Variants in RIF1 observed in about 807,000 individuals in gnomAD.
The protein encoded by RIF1 is replication timing regulatory factor 1, also known as telomere-associated protein RIF1.
RIF1 carries 45 observed loss-of-function variants against 247.1 expected under a neutral mutation model. The ratio of observed to expected loss-of-function variants is 0.18; its 90% CI spans 0.14 to 0.23. The LOEUF is 0.23. Ranked by LOEUF, RIF1 falls within the 10% of genes least tolerant of loss-of-function variation. The pLI is 1.00. For synonymous variants in RIF1, 1,087 were observed against 978.8 expected (o/e 1.11, Z -2.06); for missense variants, 2,967 against 2,862.5 (o/e 1.04, Z -0.83).
intron 18 of RIF1, among the ~76,000 whole-genome samples, chr2:151,445,049 T>G (rs1164685567): frequency 6.6e-6 from 1 of 152,206 alleles, no homozygotes; most frequent in Non-Finnish European, 1.5e-5. Context: ...TGCCTCCATC[T>G]TCACATGGTA....
chr2:151,497,052 A>G (rs940899832), intron 10 of RIF1: 19 of 1,552,646 alleles, frequency 1.2e-5, no homozygotes, highest in Non-Finnish European at 1.7e-5. Flanking sequence ...TAAGAAAGCA[A>G]CCAGAAAAAC....
At chr2:151,518,430 G>T in the RIF1 span, 1 of 1,556,446 alleles carries the variant, frequency 6.4e-7, no homozygotes, top group Non-Finnish European at 8.8e-7. Flanking sequence ...GTACTGAGGG[G>T]AAGGCGGCAA....
intron 35 of RIF1, 139 bp downstream of exon 35, chr2:151,474,211 T>C: frequency 1.6e-6 from 1 of 608,714 alleles, no homozygotes; most frequent in Non-Finnish European, 2.9e-6. Flanking sequence ...TATGAAAAAC[T>C]AACCGATTGG....
At chr2:151,440,399 A>G (rs1692069289) in intron 15 of RIF1, among the ~76,000 whole-genome samples, 1 of 152,226 alleles carries the variant, frequency 6.6e-6, no homozygotes, top group African/African-American at 2.4e-5. Flanking sequence ...AAGGACATGA[A>G]ACTTGAACTG....
Position 151,496,959 on chromosome 2 carries a change from A to ATTGTG in RIF1, c.*513+1636_*513+1640dup. The ATTGTG allele has an allele frequency of 3.8e-6, 6 of 1,577,018 alleles. No individual in the cohort carries two copies. The South Asian group carries it at 5.8e-5, about 15-fold the overall frequency. On this transcript the variant is annotated intron_variant and NMD_transcript_variant, in intron 10 of 13. Transcript: ENST00000454583. ...CAAGTACCGAGCTAATATTTTCTTG[A>ATTGTG]TTGTGTTTGACTCTCTCCATCTCAG...
rs1194491404 is a variant in RIF1, at chr2:151,432,962, TA to T, written c.926-108del. On this transcript the variant is annotated intron_variant, in intron 9 of 35. Transcript: ENST00000444746. ...AGGACAGCCTGGGGATTTATTTTTT[TA>T]AAAAAATTTTAAAATACGTTCTCTT... The T allele has an allele frequency of 7.5e-6, 6 of 799,000 alleles. No individual in the cohort carries two copies. The South Asian group carries it at 1.6e-4, about 21-fold the overall frequency. 49.5% of individuals were successfully genotyped at this position (799,000 alleles called of 1,614,324 possible). A position where few individuals can be genotyped will look rare whatever the true frequency, so the allele number is the denominator to read the frequency against.
At chr2:151,466,964 T>C (rs1697007262) in intron 30 of RIF1, among the ~76,000 whole-genome samples, 1 of 152,180 alleles carries the variant, frequency 6.6e-6, no homozygotes, top group African/African-American at 2.4e-5. Flanking sequence ...AGCTCACACC[T>C]GTAATCCCAG....
At chr2:151,466,576 A>G (rs1273588763) in intron 30 of RIF1, among the ~76,000 whole-genome samples, 1 of 152,130 alleles carries the variant, frequency 6.6e-6, no homozygotes, top group African/African-American at 2.4e-5. Context: ...TGCCTTCATC[A>G]ACTTGTAGAT....
intron 10 of RIF1, chr2:151,495,407 G>C (rs1240576078): frequency 6.6e-6 from 1 of 152,078 alleles, no homozygotes; most frequent in African/African-American, 2.4e-5. Flanking sequence ...ACTAGAGCAG[G>C]ACCCAGCAAT....
chr2:151,503,518 T>C, intron 12 of RIF1: 2 of 943,410 alleles, frequency 2.1e-6, no homozygotes, highest in African/African-American at 1.6e-5. Flanking sequence ...TGTGGGCTAT[T>C]TGGGGGAAAC....
At chr2:151,414,286 CA>C (rs67760163) in intron 3 of RIF1, among the ~76,000 whole-genome samples, 204 of 145,056 alleles carry the variant, frequency 1.4e-3, no homozygotes, top group African/African-American at 3.2e-3. Flanking sequence ...AACTCTGTCT[CA>C]AAAAAAAAAA....
At chr2:151,506,183 G>A in intron 12 of RIF1, 1 of 1,612,558 alleles carries the variant, frequency 6.2e-7, no homozygotes, top group Non-Finnish European at 8.5e-7. Context: ...ATGTGGTCCT[G>A]TGTTTGTTTC....
In RIF1 at chr2:151,475,167, ACT is replaced by A; in HGVS notation, c.*99_*100del. On this transcript the variant is annotated 3_prime_UTR_variant, in exon 36 of 36. Coordinates refer to ENST00000444746, the MANE Select transcript of RIF1 (RefSeq NM_018151.5). ...ATAATAGCACAATTTCAAAGAAGAG[ACT>A]CTTTGCAAAGTTGATAACATTTCAA... 1 of 849,252 alleles carries A rather than the reference ACT, an allele frequency of 1.2e-6. No individual in the cohort carries two copies. Among genetic ancestry groups the A allele is most frequent in the Non-Finnish European group, 1.9e-6 (1 of 524,308 alleles). 52.6% of individuals were successfully genotyped at this position (849,252 alleles called of 1,614,324 possible). A position where few individuals can be genotyped will look rare whatever the true frequency, so the allele number is the denominator to read the frequency against.
chr2:151,428,733 TTC>T lies in RIF1; in HGVS notation c.787-49_787-48del, dbSNP rs1558951251. 6 of 1,403,114 alleles carry T rather than the reference TTC, an allele frequency of 4.3e-6. No homozygotes were observed. The South Asian group carries it at 7.0e-5, about 16-fold the overall frequency. 86.9% of individuals were successfully genotyped at this position (1,403,114 alleles called of 1,614,324 possible). The stretch of plus-strand genomic sequence containing the variant: ...ATGAATAAAGGAATGATAGCAATTA[TTC>T]TGTTTCATGCAGATAAATAACTTCT... On this transcript the variant is annotated intron_variant, in intron 8 of 35. Transcript: ENST00000444746.
At chr2:151,473,937 T>C (rs1351945133) in intron 34 of RIF1, 27 bp from the exon 35 acceptor site, 2 of 1,246,372 alleles carry the variant, frequency 1.6e-6, no homozygotes, top group South Asian at 2.5e-5. Flanking sequence ...TTGTTTTGCG[T>C]TTTTTTCTGC....
chr2:151,505,866 G>A (rs2068459657), intron 12 of RIF1: 2 of 535,114 alleles, frequency 3.7e-6, no homozygotes, highest in Non-Finnish European at 6.7e-6. Flanking sequence ...CAGGTCGTTT[G>A]ACTAGGATAA....
At chr2:151,492,352 G>A in intron 9 of RIF1, 1 of 1,588,788 alleles carries the variant, frequency 6.3e-7, no homozygotes, top group East Asian at 2.2e-5. Context: ...CATTCTGACA[G>A]GCAGCCAGCC....
rs1360780043 is a variant in RIF1 at position 151,465,629 on chromosome 2, G to A, written c.6109G>A (p.Gly2037Ser). ...GGCAATGGCTGAAACTGGCCATGAT[G>A]GTGAAACAGAGAATGAGGGCATAAC... The part of the protein sequence containing the change: ...GEAMAETGHD[G>S]ETENEGITTK... The change falls in exon 30 of 36, where the codon GGT becomes AGT. Residue 2037 changes from glycine to serine, a missense_variant. This residue lies in a region of RIF1 where 2,028 missense variants were observed against 1,825.6 expected (regional missense o/e 1.11). Transcript: ENST00000444746. The A allele has an allele frequency of 6.2e-7, 1 of 1,613,920 alleles. No homozygotes were observed. Among genetic ancestry groups the A allele is most frequent in the Non-Finnish European group, 8.5e-7 (1 of 1,179,998 alleles).
rs559642559 is a variant in RIF1, at chr2:151,466,250, G to A, written c.6600+130G>A. The A allele has an allele frequency of 2.9e-5, 18 of 618,722 alleles. No homozygotes were observed. The African/African-American group carries it at 3.1e-4, about 11-fold the overall frequency. 38.3% of individuals were successfully genotyped at this position (618,722 alleles called of 1,614,324 possible). ...ACTCATTTGATTATTTACCATAATGGTTGCTAGGGAAAAGGTAGGTAGAAG... is the reference window on the plus strand; with the variant it reads ...ACTCATTTGATTATTTACCATAATGATTGCTAGGGAAAAGGTAGGTAGAAG... On this transcript the variant is annotated intron_variant, in intron 30 of 35. Transcript: ENST00000444746.
Sources: gnomAD v4.1 joint callset for allele counts (sites outside exome capture counted in the v4.1 genomes callset) on GRCh38, gnomAD v4.1.1 for gene constraint, gnomAD v4.1.1 regional missense constraint, MANE v1.5 for transcripts, NCBI Gene and HGNC (gene_info 2026-07-23, HGNC 2026-07-21) for gene names.